POP1: variants seen among roughly 807,000 people sequenced by gnomAD.
POP1 encodes POP1 ribonuclease P/MRP subunit.
In POP1, 75 loss-of-function variants were observed where a neutral mutation model predicts 102.2. The observed-to-expected ratio is 0.73, with a 90% CI of 0.61 to 0.89. POP1 has a LOEUF of 0.89. Among genes scored for constraint, POP1 ranks in the 40% least tolerant of loss-of-function variants. POP1 has a pLI of 0.00. For missense variants in POP1, 1,116 were observed against 1,267.4 expected, an observed-to-expected ratio of 0.88 and a Z score of 1.81; for synonymous variants, 436 against 464.1, an observed-to-expected ratio of 0.94 and a Z score of 0.78.
At chr8:98,143,727 CT>C (rs905747740) in intron 11 of POP1, among the ~76,000 whole-genome samples, 1 of 152,190 alleles carries the variant, frequency 6.6e-6, no homozygotes, top group Non-Finnish European at 1.5e-5. Context: ...TCTTTTCCCC[CT>C]AACTTCCGAT....
chr8:98,151,835 C>T (rs372903069), intron 14 of POP1, among the ~76,000 whole-genome samples: 11 of 151,702 alleles, frequency 7.3e-5, no homozygotes, highest in South Asian at 2.1e-4. Flanking sequence ...CTCCACCTCC[C>T]GGACCCAGGT....
chr8:98,144,470 T>C (rs983071162), intron 11 of POP1, among the ~76,000 whole-genome samples: 1 of 152,046 alleles, frequency 6.6e-6, no homozygotes, highest in African/African-American at 2.4e-5. Context: ...AGACAGGGTC[T>C]CACTAAATTG....
chr8:98,158,361 TATC>T lies in POP1; in HGVS notation c.*93_*95del, dbSNP rs1809715683. On this transcript the variant is annotated 3_prime_UTR_variant, in exon 16 of 16. Coordinates refer to ENST00000401707, the MANE Select transcript of POP1 (RefSeq NM_001145860.2). The stretch of plus-strand genomic sequence containing the variant: ...TGGAGAATCTGCTTCTGCTTTAAAA[TATC>T]ATGTGAAACTCCCTGGAAACAAGAA... The T allele has an allele frequency of 4.2e-6, 6 of 1,432,586 alleles. No homozygotes were observed. The highest frequency in any genetic ancestry group is 1.4e-5 in the African/African-American group (1 of 71,654). 88.7% of individuals were successfully genotyped at this position (1,432,586 alleles called of 1,614,324 possible).
In POP1 at chr8:98,158,045, G is replaced by T; in HGVS notation, c.2849G>T (p.Gly950Val). The T allele has an allele frequency of 6.2e-7, 1 of 1,610,120 alleles. No homozygotes were observed. Residue 950 changes from glycine to valine, a missense_variant, in exon 16 of 16, where the codon GGC becomes GTC. Physicochemically the swap from Gly to Val is moderately radical, Grantham distance 109. Coordinates refer to ENST00000401707, the MANE Select transcript of POP1 (RefSeq NM_001145860.2). ...QEALTLGLWS[G>V]PLPRVTLHCS... ...GCTCTGACTCTAGGGCTGTGGTCAGGCCCTCTGCCGCGTGTGACGTTGCAC... is the reference window on the plus strand; with the variant it reads ...GCTCTGACTCTAGGGCTGTGGTCAGTCCCTCTGCCGCGTGTGACGTTGCAC...
chr8:98,127,865 C>T (rs1169239379), intron 3 of POP1, 103 bp downstream of exon 3: 1 of 1,205,678 alleles, frequency 8.3e-7, no homozygotes. Flanking sequence ...CCTCCCCTAC[C>T]TCTCCTCTCC....
At chr8:98,130,312 C>G (rs1285858196) in intron 5 of POP1, 86 bp downstream of exon 5, 7 of 1,550,876 alleles carry the variant, frequency 4.5e-6, no homozygotes, top group Non-Finnish European at 5.3e-6. Flanking sequence ...ATGTGCCAAG[C>G]CCCGTTTATG....
intron 7 of POP1, among the ~76,000 whole-genome samples, chr8:98,135,539 G>C (rs1163238255): frequency 6.6e-6 from 1 of 152,000 alleles, no homozygotes; most frequent in African/African-American, 2.4e-5. Flanking sequence ...TGTAGTCAGA[G>C]TGATCATGTT....
In POP1 at chr8:98,145,488, C is replaced by T. The variant is rs190156281; in HGVS notation, c.1595-1080C>T. The stretch of plus-strand genomic sequence containing the variant: ...TTAAATGACTGCATGTAGGAAGTTC[C>T]TTCTATCAATATAGAAGTTTGTCAC... On this transcript the variant is annotated intron_variant, in intron 11 of 15. Transcript: ENST00000401707. Among the ~76,000 whole-genome samples, 454 of 152,298 alleles carry T rather than the reference C, an allele frequency of 3.0e-3. 2 individuals are homozygous for T. Among genetic ancestry groups the T allele is most frequent in the South Asian group, 9.9e-3 (48 of 4,826 alleles).
intron 11 of POP1, among the ~76,000 whole-genome samples, chr8:98,145,368 T>G (rs185488798): frequency 2.4e-4 from 37 of 152,352 alleles, no homozygotes; most frequent in Admixed American, 2.4e-3. Context: ...GTGGACAGTT[T>G]AGAACCATAA....
At chr8:98,128,834 G>T (rs1816292090) in intron 4 of POP1, among the ~76,000 whole-genome samples, 1 of 151,976 alleles carries the variant, frequency 6.6e-6, no homozygotes, top group African/African-American at 2.4e-5. Flanking sequence ...GAGATGGGAG[G>T]GTACCCTGAG....
intron 5 of POP1, among the ~76,000 whole-genome samples, chr8:98,130,502 T>A (rs1421467878): frequency 6.6e-6 from 1 of 150,742 alleles, no homozygotes; most frequent in Non-Finnish European, 1.5e-5. Context: ...CTGGAAGGCG[T>A]CCCCCAGAAG....
intron 14 of POP1, among the ~76,000 whole-genome samples, chr8:98,155,565 G>C (rs1280473851): frequency 2.0e-5 from 3 of 151,498 alleles, no homozygotes; most frequent in Non-Finnish European, 4.4e-5. Flanking sequence ...TTACAAGCAT[G>C]AGCCACCATG....
chr8:98,158,115 C>T lies in POP1; in HGVS notation c.2919C>T (p.Ser973=). The T allele has an allele frequency of 6.2e-7, 1 of 1,605,516 alleles. No individual in the cohort carries two copies. Among genetic ancestry groups the T allele is most frequent in the Non-Finnish European group, 8.5e-7 (1 of 1,176,310 alleles). The change falls in exon 16 of 16, where the codon TCC becomes TCT. Residue 973 remains serine, a synonymous_variant. Transcript: ENST00000401707. ...LLGFVTQGDF[S]MAVGCGEALG... ...GCTTTGTGACTCAGGGAGATTTTTCCATGGCTGTTGGCTGTGGAGAAGCCC... is the reference window on the plus strand; with the variant it reads ...GCTTTGTGACTCAGGGAGATTTTTCTATGGCTGTTGGCTGTGGAGAAGCCC...
intron 9 of POP1, among the ~76,000 whole-genome samples, chr8:98,137,830 G>A (rs1816591265): frequency 6.6e-6 from 1 of 152,078 alleles, no homozygotes; most frequent in Non-Finnish European, 1.5e-5. Context: ...TAGCTCTATT[G>A]GCAAGTGGCT....
At chr8:98,147,125 G>A (rs1809377726) in intron 12 of POP1, among the ~76,000 whole-genome samples, 1 of 152,186 alleles carries the variant, frequency 6.6e-6, no homozygotes, top group Non-Finnish European at 1.5e-5. Flanking sequence ...GGACCTTCCA[G>A]GGCCAGACAT....
At chr8:98,117,487 TTC>T (rs962924141) in intron 1 of POP1, 97 bp downstream of exon 1, 35 of 246,462 alleles carry the variant, frequency 1.4e-4, no homozygotes, top group Admixed American at 4.7e-4. Context: ...TCTTCATCGT[TTC>T]TCTCTCAGAC....
intron 1 of POP1, among the ~76,000 whole-genome samples, chr8:98,118,769 C>G (rs190682680): frequency 6.6e-6 from 1 of 151,552 alleles, no homozygotes; most frequent in Non-Finnish European, 1.5e-5. Flanking sequence ...TGTGCTGTAC[C>G]GCATAATTTA....
Position 98,140,181 on chromosome 8 carries a change from T to C in POP1, c.1466T>C (p.Leu489Ser). ...TGCAGACAAGAAGCCATTTTCGAGT[T>C]GTTGGGAGGTATACAAAGGGAAGAC... ...LHCRQEAIFE[L>S]LGGITSPAEI... Residue 489 changes from leucine to serine, a missense_variant, in exon 10 of 16, where the codon TTG (leucine) becomes TCG (serine). Leu to Ser is a moderately radical substitution (Grantham distance 145). Transcript: ENST00000401707. 1 of 1,613,874 alleles carries C rather than the reference T, an allele frequency of 6.2e-7. No homozygotes were observed. Among genetic ancestry groups the C allele is most frequent in the Non-Finnish European group, 8.5e-7 (1 of 1,179,854 alleles).
chr8:98,136,136 G>A (rs1384283187), intron 7 of POP1, among the ~76,000 whole-genome samples: 2 of 151,382 alleles, frequency 1.3e-5, no homozygotes, highest in East Asian at 3.9e-4. Flanking sequence ...GCTGGAGTGC[G>A]ATGGCACGAT....
Sources: allele counts gnomAD v4.1 joint callset (sites outside exome capture counted in the v4.1 genomes callset), GRCh38; gene constraint gnomAD v4.1.1; transcripts MANE v1.5; gene names NCBI Gene and HGNC (gene_info 2026-07-23, HGNC 2026-07-21).